Variants in RIMS1 observed in about 807,000 individuals in gnomAD.
RIMS1 encodes the protein regulating synaptic membrane exocytosis 1.
Under a neutral mutation model 214.1 loss-of-function variants are expected in RIMS1, and 83 were observed. That is an observed-to-expected ratio of 0.39 (90% confidence interval 0.32 to 0.47). The LOEUF is 0.47. Ranked by LOEUF, RIMS1 falls within the 20% of genes least tolerant of loss-of-function variation. The pLI is 0.99. For synonymous variants in RIMS1, 793 were observed against 786.8 expected (o/e 1.01, Z -0.13); for missense variants, 2,050 against 2,161.8 (o/e 0.95, Z 1.03).
At chr6:72,143,886 C>A (rs1320898729) in intron 4 of RIMS1, among the ~76,000 whole-genome samples, 1 of 152,076 alleles carries the variant, frequency 6.6e-6, no homozygotes, top group Non-Finnish European at 1.5e-5. Flanking sequence ...TCTGAGCCAT[C>A]TATAGTTTTT....
At position 72,179,750 on chromosome 6, in the gene RIMS1, C is replaced by T. The variant is rs373901709; in HGVS notation, c.647C>T (p.Ser216Leu). Reference sequence around the variant, plus strand: ...AAGAAAGCACGACTCCAAGAGCGATCGCGGTCTCAGACACCCCTAAGCACA... The same window carrying T: ...AAGAAAGCACGACTCCAAGAGCGATTGCGGTCTCAGACACCCCTAAGCACA... ...REKKARLQERSRSQTPLSTAA... is the reference protein window; with the variant it reads ...REKKARLQERLRSQTPLSTAA... Residue 216 changes from serine to leucine, a missense_variant, in exon 5 of 34, where the codon TCG (serine) becomes TTG (leucine). Ser to Leu is a moderately radical substitution (Grantham distance 145). Coordinates refer to ENST00000521978, the MANE Select transcript of RIMS1 (RefSeq NM_014989.7). The T allele has an allele frequency of 2.5e-6, 4 of 1,613,824 alleles. No individual in the cohort carries two copies. The highest frequency in any genetic ancestry group is 3.4e-6 in the Non-Finnish European group (4 of 1,179,872).
chr6:72,213,160 G>T (rs866791890), intron 6 of RIMS1: 1 of 1,536,894 alleles, frequency 6.5e-7, no homozygotes, highest in Non-Finnish European at 8.7e-7. Flanking sequence ...TCAGAAGGGT[G>T]GGAAGAAGTG....
At chr6:72,152,837 TGTATATA>T (rs2043850257) in intron 4 of RIMS1, among the ~76,000 whole-genome samples, 2 of 63,544 alleles carry the variant, frequency 3.1e-5, no homozygotes, top group Non-Finnish European at 2.8e-5. Context: ...TGTATATATA[TGTATATA>T]TGGAATATAT....
At chr6:71,891,644 C>T (rs1286203457) in intron 1 of RIMS1, among the ~76,000 whole-genome samples, 1 of 152,126 alleles carries the variant, frequency 6.6e-6, no homozygotes, top group East Asian at 1.9e-4. Context: ...CCTATGTATG[C>T]AGGTATCATA....
intron 4 of RIMS1, among the ~76,000 whole-genome samples, chr6:72,173,990 A>T (rs2047381891): frequency 6.6e-6 from 1 of 152,192 alleles, no homozygotes; most frequent in Non-Finnish European, 1.5e-5. Context: ...AAACTTAAAA[A>T]AAAAAAAGAC....
chr6:72,386,725 G>C (rs118125614), intron 29 of RIMS1, among the ~76,000 whole-genome samples: 1,673 of 144,508 alleles, frequency 0.012, 18 homozygotes, highest in Non-Finnish European at 0.02. Context: ...TCGTTTCACT[G>C]TCTTTCTTTT....
chr6:72,190,219 T>C (rs1045348147), intron 6 of RIMS1, among the ~76,000 whole-genome samples: 11 of 152,026 alleles, frequency 7.2e-5, no homozygotes, highest in African/African-American at 2.4e-4. Flanking sequence ...ATCCCAGCAC[T>C]TTGGGAGGCC....
At position 72,247,561 on chromosome 6, in the gene RIMS1, G is replaced by C. The variant is rs1229618217; in HGVS notation, c.2129-454G>C. Among the ~76,000 whole-genome samples the C allele has an allele frequency of 1.4e-5, 2 of 142,956 alleles. 1 individual carries two copies. Among genetic ancestry groups the C allele is most frequent in the Admixed American group, 1.4e-4 (2 of 14,314 alleles). 93.8% of individuals were successfully genotyped at this position (142,956 alleles called of 152,430 possible). ...AAAAAAAAAAAAAAAAAAAACCTAA[G>C]ATAGATGGTATATCTGATTTTAAAA... On this transcript the variant is annotated intron_variant, in intron 11 of 33. Coordinates refer to ENST00000521978, the MANE Select transcript of RIMS1 (RefSeq NM_014989.7).
At chr6:72,265,112 C>T in intron 20 of RIMS1, 60 bp downstream of exon 20, 1 of 915,692 alleles carries the variant, frequency 1.1e-6, no homozygotes, top group Non-Finnish European at 1.6e-6. Context: ...CCCTTGCCTA[C>T]TAAAAATAGA....
chr6:71,951,223 G>T (rs1162878855), intron 1 of RIMS1, among the ~76,000 whole-genome samples: 2 of 152,124 alleles, frequency 1.3e-5, no homozygotes, highest in Non-Finnish European at 2.9e-5. Context: ...GGTAAATGAA[G>T]ACTTGTTTTC....
chr6:72,390,688 G>A lies in RIMS1; in HGVS notation c.4457G>A (p.Ser1486Asn), dbSNP rs1564811942. The A allele has an allele frequency of 6.2e-7, 1 of 1,613,962 alleles. No homozygotes were observed. Among genetic ancestry groups the A allele is most frequent in the Admixed American group, 1.7e-5 (1 of 60,030 alleles). ...AEMRKMVRQP[S>N]RESTDGSINS... ...ATGAGAAAGATGGTAAGGCAGCCGA[G>A]CCGAGAGTCTACTGATGGCAGCATC... The change falls in exon 30 of 34, where the codon AGC becomes AAC. Residue 1486 changes from serine (S) to asparagine (N), a missense_variant. Coordinates refer to ENST00000521978, the MANE Select transcript of RIMS1 (RefSeq NM_014989.7).
chr6:72,384,757 G>C (rs2098555381), intron 29 of RIMS1, among the ~76,000 whole-genome samples: 1 of 152,072 alleles, frequency 6.6e-6, no homozygotes, highest in Non-Finnish European at 1.5e-5. Flanking sequence ...GCCTTGACCT[G>C]TTTCTCATGG....
chr6:72,238,050 A>G, intron 9 of RIMS1, 128 bp downstream of exon 9: 1 of 468,008 alleles, frequency 2.1e-6, no homozygotes, highest in African/African-American at 2.0e-5. Flanking sequence ...TATATCAATT[A>G]AGTCACTAAA....
At chr6:72,278,460 T>C (rs891309660) in intron 23 of RIMS1, among the ~76,000 whole-genome samples, 2 of 152,122 alleles carry the variant, frequency 1.3e-5, no homozygotes, top group African/African-American at 4.8e-5. Context: ...TTTCTTTTGA[T>C]TTAAAATGAA....
intron 6 of RIMS1, among the ~76,000 whole-genome samples, chr6:72,217,569 G>A: frequency 6.6e-6 from 1 of 152,044 alleles, no homozygotes; most frequent in Non-Finnish European, 1.5e-5. Context: ...ATGGATCAAA[G>A]AGTTTGCTTT....
intron 23 of RIMS1, among the ~76,000 whole-genome samples, chr6:72,275,809 T>C (rs2086077228): frequency 6.6e-6 from 1 of 152,156 alleles, no homozygotes; most frequent in Non-Finnish European, 1.5e-5. Flanking sequence ...CAATAAAAAC[T>C]TATTGTACCC....
intron 6 of RIMS1, among the ~76,000 whole-genome samples, chr6:72,190,977 A>T (rs2049980273): frequency 6.6e-6 from 1 of 152,140 alleles, no homozygotes; most frequent in African/African-American, 2.4e-5. Flanking sequence ...AAAATCCTAG[A>T]AGCTTCTGCT....
In RIMS1 at chr6:71,994,825, T is replaced by C. The variant is rs942399087; in HGVS notation, c.245+25762T>C. ...TTATGTTTGTTGCCTTGCATGCTTCTTTCTCTAAAGCTGAACCATGATACT... is the reference window on the plus strand; with the variant it reads ...TTATGTTTGTTGCCTTGCATGCTTCCTTCTCTAAAGCTGAACCATGATACT... On this transcript the variant is annotated intron_variant, in intron 2 of 33. Coordinates refer to ENST00000521978, the MANE Select transcript of RIMS1 (RefSeq NM_014989.7). Among the ~76,000 whole-genome samples, 5 of 152,220 alleles carry C rather than the reference T, an allele frequency of 3.3e-5. No individual in the cohort carries two copies. The East Asian group carries it at 9.6e-4, about 29-fold the overall frequency.
chr6:72,282,021 A>T (rs188077370), intron 23 of RIMS1, among the ~76,000 whole-genome samples: 2 of 152,012 alleles, frequency 1.3e-5, no homozygotes, highest in East Asian at 1.9e-4. Flanking sequence ...ATATACATGC[A>T]CAAGTGTTTG....
Sources: allele counts gnomAD v4.1 joint callset (sites outside exome capture counted in the v4.1 genomes callset), GRCh38; gene constraint gnomAD v4.1.1; transcripts MANE v1.5; gene names NCBI Gene and HGNC (gene_info 2026-07-23, HGNC 2026-07-21).